CAMKMT: variants seen among roughly 807,000 people sequenced by gnomAD.
CAMKMT encodes the protein CaM KMT.
Under a neutral mutation model 48.0 loss-of-function variants are expected in CAMKMT, and 53 were observed. The ratio of observed to expected loss-of-function variants is 1.10; its 90% CI spans 0.89 to 1.39. The LOEUF (loss-of-function observed/expected upper bound fraction) is 1.39. Ranked by LOEUF, CAMKMT falls within the 40% of genes most tolerant of loss-of-function variation. The probability of loss-of-function intolerance (pLI) is 0.00; values close to 1 mark genes in which losing one functional copy is unlikely to be tolerated. For synonymous variants in CAMKMT, 165 were observed against 152.3 expected, an observed-to-expected ratio of 1.08 and a Z score of -0.61; for missense variants, 428 against 402.7, an observed-to-expected ratio of 1.06 and a Z score of -0.54.
At chr2:44,622,934 C>G (rs1672280251) in intron 3 of CAMKMT, among the ~76,000 whole-genome samples, 1 of 152,202 alleles carries the variant, frequency 6.6e-6, no homozygotes, top group Admixed American at 6.5e-5. Context: ...GATGGTTGAA[C>G]TGATATGCAT....
At chr2:44,721,519 T>C (rs1190105640) in intron 7 of CAMKMT, among the ~76,000 whole-genome samples, 1 of 152,232 alleles carries the variant, frequency 6.6e-6, no homozygotes, top group Non-Finnish European at 1.5e-5. Context: ...TAACAAATTA[T>C]CTGAGATTTT....
intron 3 of CAMKMT, among the ~76,000 whole-genome samples, chr2:44,409,101 A>T (rs866664316): frequency 9.1e-4 from 3 of 3,298 alleles, no homozygotes; most frequent in Non-Finnish European, 1.3e-3. Context: ...ATATATATAT[A>T]TATATATATA....
At chr2:44,647,928 A>G (rs887143666) in intron 3 of CAMKMT, among the ~76,000 whole-genome samples, 2 of 150,534 alleles carry the variant, frequency 1.3e-5, no homozygotes, top group African/African-American at 2.4e-5. Context: ...AAAAAAAAAA[A>G]AAAGAAACTA....
At chr2:44,606,690 A>G (rs913654934) in intron 3 of CAMKMT, among the ~76,000 whole-genome samples, 1 of 152,090 alleles carries the variant, frequency 6.6e-6, no homozygotes, top group Admixed American at 6.5e-5. Context: ...GAATCCCCAA[A>G]CTTAAAAAGT....
intron 3 of CAMKMT, among the ~76,000 whole-genome samples, chr2:44,681,368 C>A (rs374783506): frequency 6.6e-6 from 1 of 152,090 alleles, no homozygotes; most frequent in East Asian, 1.9e-4. Context: ...GATCCCCTAC[C>A]GCTCATAGCT....
At chr2:44,765,752 A>G (rs565196068) in intron 9 of CAMKMT, among the ~76,000 whole-genome samples, 1 of 152,314 alleles carries the variant, frequency 6.6e-6, no homozygotes, top group South Asian at 2.1e-4. Flanking sequence ...GTTTACCCTC[A>G]TTATACCACT....
At chr2:44,614,873 G>A (rs752389217) in intron 3 of CAMKMT, among the ~76,000 whole-genome samples, 19 of 145,376 alleles carry the variant, frequency 1.3e-4, no homozygotes, top group Middle Eastern at 4.0e-3. Context: ...CTACTGTCCC[G>A]TGCACCACCC....
rs1260346880 is a variant in CAMKMT at position 44,766,552 on chromosome 2, C to G, written c.885C>G (p.Phe295Leu). The change falls in exon 10 of 11, where the codon TTC (phenylalanine) becomes TTG (leucine). Residue 295 changes from phenylalanine (F) to leucine (L), a missense_variant. Physicochemically the swap from Phe to Leu is conservative, Grantham distance 22. Coordinates refer to ENST00000378494, the MANE Select transcript of CAMKMT (RefSeq NM_024766.5). Reference sequence around the variant, plus strand: ...ATTATGATGAACACATTTCAAACTTCCACTCCAAGGTTAGTTTTCTGCTTG... The same window carrying G: ...ATTATGATGAACACATTTCAAACTTGCACTCCAAGGTTAGTTTTCTGCTTG... ...HENYDEHISN[F>L]HSKLKKENPD... The G allele has an allele frequency of 1.2e-6, 2 of 1,613,766 alleles. No homozygotes were observed. Among genetic ancestry groups the G allele is most frequent in the Non-Finnish European group, 1.7e-6 (2 of 1,180,004 alleles).
chr2:44,437,991 A>T (rs1479821815), intron 3 of CAMKMT, among the ~76,000 whole-genome samples: 1 of 152,174 alleles, frequency 6.6e-6, no homozygotes, highest in African/African-American at 2.4e-5. Flanking sequence ...TTAATAAAGT[A>T]AAAAATACAG....
chr2:44,509,818 T>C (rs698834), intron 3 of CAMKMT, among the ~76,000 whole-genome samples: 109,554 of 152,036 alleles, frequency 0.72, 39,623 homozygotes, highest in Middle Eastern at 0.79. Flanking sequence ...TGTGTTTTGC[T>C]CACTTCCTTT....
chr2:44,518,759 G>A (rs1670956776), intron 3 of CAMKMT, among the ~76,000 whole-genome samples: 1 of 152,198 alleles, frequency 6.6e-6, no homozygotes, highest in Non-Finnish European at 1.5e-5. Flanking sequence ...ATTTCTGATG[G>A]ATGGGGCTTA....
intron 9 of CAMKMT, among the ~76,000 whole-genome samples, chr2:44,761,334 C>G (rs1323127350): frequency 6.6e-6 from 1 of 152,090 alleles, no homozygotes; most frequent in African/African-American, 2.4e-5. Context: ...CTGACTAGAG[C>G]CCAAGATGTG....
chr2:44,496,167 C>G (rs1182640272), intron 3 of CAMKMT, among the ~76,000 whole-genome samples: 2 of 152,170 alleles, frequency 1.3e-5, no homozygotes, highest in Non-Finnish European at 2.9e-5. Flanking sequence ...ATTGACCAAT[C>G]TAAAGATTTG....
chr2:44,698,799 C>T (rs1285010866), intron 3 of CAMKMT, among the ~76,000 whole-genome samples: 1 of 152,228 alleles, frequency 6.6e-6, no homozygotes, highest in East Asian at 1.9e-4. Context: ...TGCTATTTGA[C>T]AGCATTTTAC....
chr2:44,605,529 T>A (rs558751055), intron 3 of CAMKMT, among the ~76,000 whole-genome samples: 1 of 152,266 alleles, frequency 6.6e-6, no homozygotes, highest in East Asian at 1.9e-4. Context: ...CATAAAGTAA[T>A]GAGAATAACT....
chr2:44,683,120 G>C (rs1353049876), intron 3 of CAMKMT, among the ~76,000 whole-genome samples: 1 of 152,110 alleles, frequency 6.6e-6, no homozygotes. Flanking sequence ...GTAAGCTGCA[G>C]CTGAATGTAT....
chr2:44,533,387 C>T (rs1666594748), intron 3 of CAMKMT, among the ~76,000 whole-genome samples: 1 of 151,608 alleles, frequency 6.6e-6, no homozygotes, highest in Non-Finnish European at 1.5e-5. Flanking sequence ...TACAGGTGCC[C>T]ACCACCACAC....
chr2:44,750,409 G>C (rs993095842), intron 8 of CAMKMT, among the ~76,000 whole-genome samples: 1 of 152,062 alleles, frequency 6.6e-6, no homozygotes, highest in Non-Finnish European at 1.5e-5. Flanking sequence ...CACCCACCTT[G>C]GTCTCCCAAA....
In CAMKMT at chr2:44,706,297, G is replaced by A; in HGVS notation, c.448G>A (p.Val150Met). The change falls in exon 5 of 11, where the codon GTG (valine) becomes ATG (methionine). Residue 150 changes from valine (V) to methionine (M), a missense_variant. Coordinates refer to ENST00000378494, the MANE Select transcript of CAMKMT (RefSeq NM_024766.5). ...TTTTCTCTCTTTCAGGGCCCTTGCT[G>A]TGTGTGAGCTAGGGGGTGGCATGAC... ...KHNNIFRALA[V>M]CELGGGMTCL... 1 of 1,613,298 alleles carries A rather than the reference G, an allele frequency of 6.2e-7. No homozygotes were observed. The highest frequency in any genetic ancestry group is 8.5e-7 in the Non-Finnish European group (1 of 1,179,512).
Sources: gnomAD v4.1 joint callset for allele counts (sites outside exome capture counted in the v4.1 genomes callset) on GRCh38, gnomAD v4.1.1 for gene constraint, MANE v1.5 for transcripts, NCBI Gene and HGNC (gene_info 2026-07-23, HGNC 2026-07-21) for gene names.